The following GTF3C1 variants were observed in gnomAD, a reference collection of about 807,000 sequenced individuals.
GTF3C1 encodes the protein general transcription factor IIIC subunit 1, also known as general transcription factor 3C polypeptide 1.
A neutral mutation model predicts 226.7 loss-of-function variants in GTF3C1; 57 were observed. That is an observed-to-expected ratio of 0.25 (90% CI 0.20 to 0.31). The LOEUF is 0.31. Ranked by LOEUF, GTF3C1 falls within the 10% of genes least tolerant of loss-of-function variation. GTF3C1 has a pLI of 1.00. For missense variants in GTF3C1, 2,217 were observed against 2,776.1 expected (o/e 0.80, Z 4.53); for synonymous variants, 1,090 against 1,084.8 (o/e 1.00, Z -0.09).
At chr16:27,466,672 T>G (rs1246772118) in intron 32 of GTF3C1, among the ~76,000 whole-genome samples, 2 of 152,220 alleles carry the variant, frequency 1.3e-5, no homozygotes, top group Non-Finnish European at 2.9e-5. Context: ...AAACTGGGCC[T>G]CTTGTGCCAA....
At position 27,538,313 on chromosome 16, in the gene GTF3C1, A is replaced by T. The variant is rs1354860014; in HGVS notation, c.475T>A (p.Tyr159Asn). Reference sequence around the variant, plus strand: ...CCCTCCTGGCCTATCAAGGCCCTGTACCGCATGGCCTGGGAGGCAACGATG... The same window carrying T: ...CCCTCCTGGCCTATCAAGGCCCTGTTCCGCATGGCCTGGGAGGCAACGATG... ...LIIVASQAMR[Y>N]RALIGQEGDP... The change falls in exon 3 of 37, where the codon TAC becomes AAC. Residue 159 changes from tyrosine to asparagine, a missense_variant. By Grantham distance (143) the Tyr-to-Asn change is moderately radical. Coordinates refer to ENST00000356183, the MANE Select transcript of GTF3C1 (RefSeq NM_001520.4). The T allele has an allele frequency of 5.6e-6, 9 of 1,597,054 alleles. No homozygotes were observed. In the African/African-American group the frequency reaches 1.2e-4, roughly 22 times the overall value.
intron 6 of GTF3C1, among the ~76,000 whole-genome samples, chr16:27,513,796 C>T (rs1168754482): frequency 1.3e-5 from 2 of 152,198 alleles, no homozygotes; most frequent in African/African-American, 4.8e-5. Flanking sequence ...CTTTCATCAG[C>T]ACATCGATGC....
At chr16:27,529,408 T>C (rs2088881653) in intron 5 of GTF3C1, among the ~76,000 whole-genome samples, 1 of 149,112 alleles carries the variant, frequency 6.7e-6, no homozygotes, top group Non-Finnish European at 1.5e-5. Flanking sequence ...ACCACTGCAC[T>C]CCAGCCTGGG....
At chr16:27,504,660 A>C (rs1190286248) in intron 10 of GTF3C1, among the ~76,000 whole-genome samples, 3 of 152,228 alleles carry the variant, frequency 2.0e-5, no homozygotes, top group Non-Finnish European at 4.4e-5. Flanking sequence ...TCACGCCTGG[A>C]ATCCCAGCAC....
chr16:27,523,575 G>A (rs140599293), intron 6 of GTF3C1, among the ~76,000 whole-genome samples: 24 of 152,194 alleles, frequency 1.6e-4, no homozygotes, highest in African/African-American at 4.6e-4. Flanking sequence ...TCCTGCGCAC[G>A]GAAAGTAACT....
intron 5 of GTF3C1, among the ~76,000 whole-genome samples, chr16:27,529,440 CAAAAA>C (rs34170986): frequency 1.4e-4 from 16 of 110,976 alleles, no homozygotes; most frequent in Non-Finnish European, 2.4e-4. Flanking sequence ...GACTCTGTTT[CAAAAA>C]AAAAAAAAAA....
chr16:27,463,509 CCCAGGCCCCGGAG>C lies in GTF3C1; in HGVS notation c.5924+19_5924+31del, dbSNP rs2087734931. 5 of 1,361,092 alleles carry C rather than the reference CCCAGGCCCCGGAG, an allele frequency of 3.7e-6. No individual in the cohort carries two copies. Among genetic ancestry groups the C allele is most frequent in the Non-Finnish European group, 5.3e-6 (5 of 950,184 alleles). The allele number at this position is 1,361,092 out of a possible 1,614,324, so 84.3% of individuals were successfully genotyped here. ...ACTCGGTCCCTGTCAAGAGCCCCGC[CCCAGGCCCCGGAG>C]CCAGAACCCCACACCCACCTTTCCC... On this transcript the variant is annotated intron_variant, in intron 35 of 36. Coordinates refer to ENST00000356183, the MANE Select transcript of GTF3C1 (RefSeq NM_001520.4). The surrounding 1 kb of genome is among the most constrained non-coding windows in gnomAD (Gnocchi z 4.9).
chr16:27,522,917 T>C (rs971164351), intron 6 of GTF3C1, among the ~76,000 whole-genome samples: 4 of 152,234 alleles, frequency 2.6e-5, no homozygotes, highest in African/African-American at 9.7e-5. Context: ...GACTTCTGTA[T>C]ACCGATCTTC....
At chr16:27,482,120 G>A (rs1000419975) in intron 26 of GTF3C1, among the ~76,000 whole-genome samples, 1 of 152,000 alleles carries the variant, frequency 6.6e-6, no homozygotes, top group Non-Finnish European at 1.5e-5. Context: ...GGGCCATGTG[G>A]GTCTATTGCA....
At chr16:27,480,533 T>C (rs1334284786) in intron 27 of GTF3C1, among the ~76,000 whole-genome samples, 1 of 152,192 alleles carries the variant, frequency 6.6e-6, no homozygotes, top group Non-Finnish European at 1.5e-5. Context: ...ATGGATGCCA[T>C]CATTTTACAG....
intron 5 of GTF3C1, among the ~76,000 whole-genome samples, chr16:27,532,350 G>A (rs1002079280): frequency 1.2e-4 from 19 of 152,250 alleles, no homozygotes; most frequent in African/African-American, 4.3e-4. Context: ...GGACTGTCCT[G>A]GTGCCTGCGG....
intron 12 of GTF3C1, 63 bp from the exon 13 acceptor site, chr16:27,498,796 C>CA (rs11452553): frequency 0.79 from 666,008 of 838,920 alleles, 272,024 homozygotes; most frequent in African/African-American, 0.96. Context: ...CTTGGCTCCA[C>CA]AGTCGATTCC....
At chr16:27,540,619 C>G (rs2089067479) in intron 2 of GTF3C1, among the ~76,000 whole-genome samples, 3 of 151,988 alleles carry the variant, frequency 2.0e-5, no homozygotes, top group Admixed American at 2.0e-4. Context: ...ACCAGGATAC[C>G]AAGACAAATA....
chr16:27,489,788 C>T lies in GTF3C1; in HGVS notation c.3152-45G>A, dbSNP rs991447458. 10 of 1,588,322 alleles carry T rather than the reference C, an allele frequency of 6.3e-6. No homozygotes were observed. The Admixed American group carries it at 8.6e-5, about 14-fold the overall frequency. ...GGTGACCAATCACGCCTTCCTGCTG[C>T]AGCTCTGGTGGCTACTACCTCTGGC... is the stretch of plus-strand genomic sequence containing the variant. On this transcript the variant is annotated intron_variant, in intron 19 of 36. Coordinates refer to ENST00000356183, the MANE Select transcript of GTF3C1 (RefSeq NM_001520.4).
rs114195201 is a variant in GTF3C1 at position 27,471,161 on chromosome 16, G to A, written c.4526+587C>T. On this transcript the variant is annotated intron_variant, in intron 30 of 36. Coordinates refer to ENST00000356183, the MANE Select transcript of GTF3C1 (RefSeq NM_001520.4). This position sits in a 1 kb window ranked among gnomAD's most constrained non-coding sequence, Gnocchi z 5.0. The stretch of plus-strand genomic sequence containing the variant: ...AGCCCCGTGCAGACCTGAGTGCGGG[G>A]AAGGAGAATGGTGTGAAGGGGAAGC... Among the ~76,000 whole-genome samples, 1 of 152,250 alleles carries A rather than the reference G, an allele frequency of 6.6e-6. No homozygotes were observed. Among genetic ancestry groups the A allele is most frequent in the Non-Finnish European group, 1.5e-5 (1 of 68,036 alleles).
At position 27,483,379 on chromosome 16, in the gene GTF3C1, A is replaced by G. The variant is rs1163815715; in HGVS notation, c.4002-254T>C. ...CCGTCCTTCATAGGTAACCGAGAAC[A>G]CTGAGTCCCAAACTGTCTCTCACAG... On this transcript the variant is annotated intron_variant, in intron 25 of 36. Transcript: ENST00000356183. The G allele has an allele frequency of 6.6e-6, 4 of 608,690 alleles. No homozygotes were observed. The African/African-American group carries it at 7.3e-5, about 11-fold the overall frequency. The allele number at this position is 608,690 out of a possible 1,614,324, so 37.7% of individuals were successfully genotyped here. A position where few individuals can be genotyped will look rare whatever the true frequency, so the allele number is the denominator to read the frequency against.
rs544623902 is a variant in GTF3C1 at position 27,501,422 on chromosome 16, T to G, written c.1908-78A>C. ...TTCCTCAACCCAGGCAACACAGACA[T>G]GCCTCACGGTACCCAATAGAAACAA... On this transcript the variant is annotated intron_variant, in intron 11 of 36. Transcript: ENST00000356183. 4.8e-5 allele frequency: 61 copies of G among 1,269,484 alleles called. 1 individual carries two copies. The African/African-American group carries it at 5.6e-4, about 12-fold the overall frequency. The allele number at this position is 1,269,484 out of a possible 1,614,324, so 78.6% of individuals were successfully genotyped here.
chr16:27,535,708 GGAGAAACCC>G lies in GTF3C1; in HGVS notation c.752+2067_752+2075del, dbSNP rs2088990107. On this transcript the variant is annotated intron_variant, in intron 4 of 36. Coordinates refer to ENST00000356183, the MANE Select transcript of GTF3C1 (RefSeq NM_001520.4). ...AGTTCAATAACAGCTTGACCAACAT[GGAGAAACCC>G]TGTCTCTCCTCAAAACACAAAATTA... 3.3e-5 allele frequency among the ~76,000 whole-genome samples: 5 copies of G among 152,000 alleles called. No homozygotes were observed. The South Asian group carries it at 1.0e-3, about 31-fold the overall frequency.
chr16:27,477,474 T>C (rs2087968287), intron 28 of GTF3C1, among the ~76,000 whole-genome samples: 1 of 152,158 alleles, frequency 6.6e-6, no homozygotes, highest in Non-Finnish European at 1.5e-5. Context: ...CAGCTAATTT[T>C]TGTATTTTTA....
Sources: gnomAD v4.1 joint callset for allele counts (sites outside exome capture counted in the v4.1 genomes callset) on GRCh38, gnomAD v4.1.1 for gene constraint, Gnocchi (gnomAD v3.1) non-coding constraint, MANE v1.5 for transcripts, NCBI Gene and HGNC (gene_info 2026-07-23, HGNC 2026-07-21) for gene names.